AKR7A3: variants seen among roughly 807,000 people sequenced by gnomAD.
The protein encoded by AKR7A3 is AFB1 aldehyde reductase 2.
In AKR7A3, 37 loss-of-function variants were observed where a neutral mutation model predicts 32.5. The ratio of observed to expected loss-of-function variants is 1.14; its 90% CI spans 0.88 to 1.50. AKR7A3 has a LOEUF of 1.50. Among genes scored for constraint, AKR7A3 ranks in the 40% most tolerant of loss-of-function variants. The pLI is 0.00. For missense variants in AKR7A3, 412 were observed against 453.2 expected, an observed-to-expected ratio of 0.91 and a Z score of 0.83; for synonymous variants, 177 against 188.4, an observed-to-expected ratio of 0.94 and a Z score of 0.50.
At chr1:19,283,800 C>G (rs1331637090) in intron 6 of AKR7A3, among the ~76,000 whole-genome samples, 196 bp downstream of exon 6, 1 of 151,830 alleles carries the variant, frequency 6.6e-6, no homozygotes, top group African/African-American at 2.4e-5. Flanking sequence ...CACTGCACTC[C>G]AGCCTGGGTG....
At chr1:19,274,256 C>T in the AKR7A3 span, 2 of 1,264,620 alleles carry the variant, frequency 1.6e-6, no homozygotes. Context: ...CGCTCTCAAC[C>T]ACGAGGACCG....
chr1:19,282,473 G>C (rs150661617), downstream of AKR7A3: 367 of 570,128 alleles, frequency 6.4e-4, 6 homozygotes, highest in African/African-American at 6.6e-3. Context: ...CCCTTGTACA[G>C]ACTGCAGAGT....
In AKR7A3 at chr1:19,288,756, G is replaced by A. The variant is rs1315201407; in HGVS notation, c.-47C>T. 10 of 1,414,968 alleles carry A rather than the reference G, an allele frequency of 7.1e-6. No homozygotes were observed. Among genetic ancestry groups the A allele is most frequent in the Middle Eastern group, 2.6e-4 (1 of 3,856 alleles). The allele number at this position is 1,414,968 out of a possible 1,614,324, so 87.7% of individuals were successfully genotyped here. The stretch of plus-strand genomic sequence containing the variant: ...TGACAGCCCAGGAGCCGCGCGCAGC[G>A]GTCGGAAGCACCAGGCTCGGAGCGG... On this transcript the variant is annotated 5_prime_UTR_variant, in exon 1 of 7. Coordinates refer to ENST00000361640, the MANE Select transcript of AKR7A3 (RefSeq NM_012067.3).
At position 19,282,671 on chromosome 1, in the gene AKR7A3, A is replaced by G; in HGVS notation, c.*60T>C. 1 of 1,612,828 alleles carries G rather than the reference A, an allele frequency of 6.2e-7. No homozygotes were observed. The highest frequency in any genetic ancestry group is 8.5e-7 in the Non-Finnish European group (1 of 1,179,528). On this transcript the variant is annotated 3_prime_UTR_variant, in exon 7 of 7. Transcript: ENST00000361640. ...TTACTGAGGCAGTTCTAAATTAAAG[A>G]AAATGTGAGTAACAAAAGATGTTAC...
chr1:19,277,017 G>C, the AKR7A3 span, among the ~76,000 whole-genome samples: 3 of 151,824 alleles, frequency 2.0e-5, no homozygotes, highest in African/African-American at 7.3e-5. Context: ...AGGAGGCTGA[G>C]GCAGGAGAAT....
chr1:19,288,241 C>T (rs2093734350), intron 1 of AKR7A3, among the ~76,000 whole-genome samples: 1 of 152,040 alleles, frequency 6.6e-6, no homozygotes, highest in Non-Finnish European at 1.5e-5. Context: ...GTCATCCAGG[C>T]GTCAGTGAGG....
intron 1 of AKR7A3, 142 bp downstream of exon 1, chr1:19,288,353 GC>G: frequency 9.5e-7 from 1 of 1,050,184 alleles, no homozygotes; most frequent in Non-Finnish European, 1.3e-6. Flanking sequence ...TGTTCCCAAG[GC>G]TGCGAGGTGA....
At chr1:19,287,692 C>G (rs909269797) in intron 1 of AKR7A3, among the ~76,000 whole-genome samples, 1 of 152,192 alleles carries the variant, frequency 6.6e-6, no homozygotes, top group African/African-American at 2.4e-5. Context: ...CCCATGCCCA[C>G]TGCCCTGACG....
At chr1:19,276,134 G>A in the AKR7A3 span, among the ~76,000 whole-genome samples, 465 of 150,758 alleles carry the variant, frequency 3.1e-3, 16 homozygotes, top group African/African-American at 0.011. Context: ...AGGCTGAGGC[G>A]GGTGGATCAC....
chr1:19,283,927 G>A (rs1235798375), intron 6 of AKR7A3, 69 bp downstream of exon 6: 1 of 1,602,564 alleles, frequency 6.2e-7, no homozygotes, highest in Non-Finnish European at 8.5e-7. Context: ...AAATGTTTCA[G>A]CCTTCATCTA....
intron 1 of AKR7A3, among the ~76,000 whole-genome samples, chr1:19,286,723 T>C (rs1489932799): frequency 6.6e-6 from 1 of 151,766 alleles, no homozygotes; most frequent in African/African-American, 2.4e-5. Context: ...GAATCTTAGT[T>C]CCTAGTGAAC....
rs181262953 is a variant in AKR7A3, at chr1:19,284,496, G to A, written c.704+190C>T. 1.4e-4 allele frequency among the ~76,000 whole-genome samples: 22 copies of A among 151,990 alleles called. No individual in the cohort carries two copies. The East Asian group carries it at 1.5e-3, about 11-fold the overall frequency. ...AACGACTTCAAGACCCCGAGGTCCAGGGAGTCTCCTTTCCTCCTGGAGGTC... is the reference window on the plus strand; with the variant it reads ...AACGACTTCAAGACCCCGAGGTCCAAGGAGTCTCCTTTCCTCCTGGAGGTC... On this transcript the variant is annotated intron_variant, in intron 5 of 6. Coordinates refer to ENST00000361640, the MANE Select transcript of AKR7A3 (RefSeq NM_012067.3).
In AKR7A3 at chr1:19,284,545, G is replaced by A. The variant is rs944451598; in HGVS notation, c.704+141C>T. On this transcript the variant is annotated intron_variant, in intron 5 of 6. Coordinates refer to ENST00000361640, the MANE Select transcript of AKR7A3 (RefSeq NM_012067.3). ...TCCCAAGACAACAAGAAAACCGATG[G>A]AGGGTTTGGAAATTCCCGAAGAAAT... 7.4e-6 allele frequency: 7 copies of A among 946,012 alleles called. No homozygotes were observed. In the African/African-American group the frequency reaches 8.3e-5, roughly 11 times the overall value. 58.6% of individuals were successfully genotyped at this position (946,012 alleles called of 1,614,324 possible). A position where few individuals can be genotyped will look rare whatever the true frequency, so the allele number is the denominator to read the frequency against.
At position 19,284,758 on chromosome 1, in the gene AKR7A3, T is replaced by C; in HGVS notation, c.632A>G (p.Tyr211Cys). 2 of 1,613,852 alleles carry C rather than the reference T, an allele frequency of 1.2e-6. No individual in the cohort carries two copies. Among genetic ancestry groups the C allele is most frequent in the South Asian group, 2.2e-5 (2 of 91,070 alleles). Residue 211 changes from tyrosine (Y) to cysteine (C), a missense_variant, in exon 5 of 7, where the codon TAT becomes TGT. By Grantham distance (194) the Tyr-to-Cys change is radical. Transcript: ENST00000361640. ...AGGLLTGKYKYEDKNGKQPVG... is the reference protein window; with the variant it reads ...AGGLLTGKYKCEDKNGKQPVG... Reference sequence around the variant, plus strand: ...GGGCTGTTTCCCATTCTTGTCCTCATACTTGTACTTGCCGGTCAGCAGGCC... The same window carrying C: ...GGGCTGTTTCCCATTCTTGTCCTCACACTTGTACTTGCCGGTCAGCAGGCC...
chr1:19,288,267 C>T (rs2093734391), intron 1 of AKR7A3, among the ~76,000 whole-genome samples: 1 of 150,930 alleles, frequency 6.6e-6, no homozygotes, highest in African/African-American at 2.4e-5. Context: ...GGCTACCTCC[C>T]GGAAGAGAAG....
rs1156256711 is a variant in AKR7A3, at chr1:19,285,958, G to A, written c.437C>T (p.Ala146Val). ...ACAGATCTCGGCCACTTCCCAGGCT[G>A]CATAGTTGGAGAGGCCAAGCTCCAC... ...KFVELGLSNYAAWEVAEICTL... is the reference protein window; with the variant it reads ...KFVELGLSNYVAWEVAEICTL... Residue 146 changes from alanine (A) to valine (V), a missense_variant, in exon 3 of 7, where the codon GCA becomes GTA. Physicochemically the swap from Ala to Val is moderately conservative, Grantham distance 64. Transcript: ENST00000361640. 1 of 1,613,280 alleles carries A rather than the reference G, an allele frequency of 6.2e-7. No individual in the cohort carries two copies. The highest frequency in any genetic ancestry group is 2.2e-5 in the East Asian group (1 of 44,854).
At chr1:19,280,825 C>T (rs1296114457), downstream of AKR7A3, among the ~76,000 whole-genome samples, 2 of 151,842 alleles carry the variant, frequency 1.3e-5, no homozygotes, top group African/African-American at 2.4e-5. Context: ...CTGCCTCGGC[C>T]TCCCAAAGTG....
At chr1:19,275,812 C>A in the AKR7A3 span, among the ~76,000 whole-genome samples, 1 of 151,468 alleles carries the variant, frequency 6.6e-6, no homozygotes, top group African/African-American at 2.4e-5. Flanking sequence ...CTCAAATCAA[C>A]AACAAAAACA....
At chr1:19,287,912 C>T (rs1363383405) in intron 1 of AKR7A3, among the ~76,000 whole-genome samples, 1 of 152,186 alleles carries the variant, frequency 6.6e-6, no homozygotes, top group Non-Finnish European at 1.5e-5. Flanking sequence ...CCCTCATCCC[C>T]CTGAGGGAGC....
Sources: gnomAD v4.1 joint callset for allele counts (sites outside exome capture counted in the v4.1 genomes callset) on GRCh38, gnomAD v4.1.1 for gene constraint, MANE v1.5 for transcripts, NCBI Gene and HGNC (gene_info 2026-07-23, HGNC 2026-07-21) for gene names.